ABCD3: variants seen among roughly 807,000 people sequenced by gnomAD.
The protein encoded by ABCD3 is ATP binding cassette subfamily D member 3, also known as ATP-binding cassette sub-family D member 3.
A neutral mutation model predicts 105.5 loss-of-function variants in ABCD3; 41 were observed. That is an observed-to-expected ratio of 0.39 (90% CI 0.30 to 0.50). The LOEUF is 0.50. ABCD3 is among the 20% of genes least tolerant of loss of function. ABCD3 has a pLI of 0.84. For synonymous variants in ABCD3, 258 were observed against 269.0 expected (o/e 0.96, Z 0.40); for missense variants, 622 against 806.3 (o/e 0.77, Z 2.77).
chr1:94,385,151 T>C, the ABCD3 span, among the ~76,000 whole-genome samples: 1 of 152,078 alleles, frequency 6.6e-6, no homozygotes, highest in Non-Finnish European at 1.5e-5. Context: ...TCTTGCTCTC[T>C]CTGAAACACC....
chr1:94,487,258 T>G (rs138444822), intron 10 of ABCD3, among the ~76,000 whole-genome samples: 271 of 152,344 alleles, frequency 1.8e-3, no homozygotes, highest in African/African-American at 6.2e-3. Context: ...ACAATAGCAT[T>G]GTGCTATTGC....
chr1:94,476,311 A>G (rs1185067007), intron 7 of ABCD3, among the ~76,000 whole-genome samples: 1 of 152,058 alleles, frequency 6.6e-6, no homozygotes, highest in East Asian at 1.9e-4. Context: ...TCCAGTTCTT[A>G]TCTTAGTCAT....
chr1:94,474,234 A>G (rs1052364134), intron 5 of ABCD3, among the ~76,000 whole-genome samples: 5 of 139,466 alleles, frequency 3.6e-5, no homozygotes, highest in South Asian at 2.7e-4. Flanking sequence ...GCAGGGGGCA[A>G]CTTGGGGAGT....
chr1:94,402,024 C>G, the ABCD3 span, among the ~76,000 whole-genome samples: 4 of 152,218 alleles, frequency 2.6e-5, no homozygotes, highest in South Asian at 4.1e-4. Flanking sequence ...TCTGCCTGTT[C>G]TCGCATTTGT....
At position 94,418,478 on chromosome 1, in the gene ABCD3, C is replaced by T; in HGVS notation, c.-1C>T. The T allele has an allele frequency of 2.5e-6, 4 of 1,598,096 alleles. No homozygotes were observed. The highest frequency in any genetic ancestry group is 3.4e-6 in the Non-Finnish European group (4 of 1,176,958). On this transcript the variant is annotated 5_prime_UTR_variant, in exon 1 of 23. Transcript: ENST00000370214. ...GCCGGCTCGCTGGTACCGGCAGTGC[C>T]ATGGCGGCCTTCAGCAAGTACTTGA...
intron 3 of ABCD3, among the ~76,000 whole-genome samples, chr1:94,465,293 T>A (rs1648084806): frequency 6.6e-6 from 1 of 152,170 alleles, no homozygotes; most frequent in African/African-American, 2.4e-5. Context: ...AATTAAATTA[T>A]TAAGTGTTCA....
intron 3 of ABCD3, among the ~76,000 whole-genome samples, chr1:94,466,524 C>T (rs1038575999): frequency 2.0e-5 from 3 of 152,154 alleles, no homozygotes; most frequent in East Asian, 1.9e-4. Flanking sequence ...CATTGTTTTA[C>T]GATCTGGCCC....
At chr1:94,428,693 G>A (rs1234757690) in intron 1 of ABCD3, among the ~76,000 whole-genome samples, 1 of 152,006 alleles carries the variant, frequency 6.6e-6, no homozygotes, top group Non-Finnish European at 1.5e-5. Context: ...GATGTGACTT[G>A]CTCCTCTTTG....
intron 7 of ABCD3, among the ~76,000 whole-genome samples, chr1:94,476,597 A>G (rs984483734): frequency 6.6e-6 from 1 of 152,128 alleles, no homozygotes; most frequent in Non-Finnish European, 1.5e-5. Context: ...ACAAAAGAAA[A>G]CCAAAACTAT....
chr1:94,407,370 A>T, the ABCD3 span, among the ~76,000 whole-genome samples: 8 of 152,014 alleles, frequency 5.3e-5, no homozygotes, highest in African/African-American at 1.9e-4. Context: ...GGCTGGTCTC[A>T]AACTCCTGAT....
In ABCD3 at chr1:94,473,832, T is replaced by C. The variant is rs1425994268; in HGVS notation, c.402T>C (p.Pro134=). The change falls in exon 5 of 23, where the codon CCT becomes CCC. Residue 134 remains proline (P), a synonymous_variant. Coordinates refer to ENST00000370214, the MANE Select transcript of ABCD3 (RefSeq NM_002858.4). ...RYLLNFIAAM[P]LISLVNNFLK... ...TACTCAACTTCATCGCTGCCATGCC[T>C]CTTGTAAGTTTAATTCATTAAAAAT... The C allele has an allele frequency of 3.1e-6, 5 of 1,611,556 alleles. No homozygotes were observed. In the South Asian group the frequency reaches 3.3e-5, roughly 11 times the overall value.
intron 9 of ABCD3, among the ~76,000 whole-genome samples, chr1:94,480,913 C>A (rs779448900): frequency 6.6e-6 from 1 of 152,118 alleles, no homozygotes; most frequent in South Asian, 2.1e-4. Flanking sequence ...ATACCTGTTC[C>A]AAGACAATTT....
rs1648062577 is a variant in ABCD3, at chr1:94,464,832, C to G, written c.205C>G (p.Gln69Glu). 1 of 1,613,760 alleles carries G rather than the reference C, an allele frequency of 6.2e-7. No individual in the cohort carries two copies. Among genetic ancestry groups the G allele is most frequent in the Non-Finnish European group, 8.5e-7 (1 of 1,179,934 alleles). Residue 69 changes from glutamine (Q) to glutamate (E), a missense_variant, in exon 3 of 23, where the codon CAG becomes GAG. Physicochemically the swap from Gln to Glu is conservative, Grantham distance 29. This residue lies in a region of ABCD3 where 245 missense variants were observed against 356.4 expected (regional missense o/e 0.69). Coordinates refer to ENST00000370214, the MANE Select transcript of ABCD3 (RefSeq NM_002858.4). ...VDKVFFSRLI[Q>E]ILKIMVPRTF... ...CAAGGTGTTTTTCTCAAGGCTCATA[C>G]AGATTCTGAAAATCATGGTCCCTAG...
At position 94,475,688 on chromosome 1, in the gene ABCD3, T is replaced by C. The variant is rs532835950; in HGVS notation, c.578T>C (p.Val193Ala). 29 of 1,610,636 alleles carry C rather than the reference T, an allele frequency of 1.8e-5. No homozygotes were observed. In the Middle Eastern group the frequency reaches 1.2e-3, roughly 65 times the overall value. The change falls in exon 7 of 23, where the codon GTA (valine) becomes GCA (alanine). Residue 193 changes from valine to alanine, a missense_variant. Val to Ala is a moderately conservative substitution (Grantham distance 64). Coordinates refer to ENST00000370214, the MANE Select transcript of ABCD3 (RefSeq NM_002858.4). ...CCAGACCAGCTGCTTACACAAGATG[T>C]AGAAAAATTTTGTAACAGTGTAGTC... is the stretch of plus-strand genomic sequence containing the variant. ...ANPDQLLTQD[V>A]EKFCNSVVDL...
chr1:94,482,406 C>T (rs1157913560), intron 9 of ABCD3: 5 of 152,146 alleles, frequency 3.3e-5, no homozygotes, highest in Admixed American at 3.3e-4. Flanking sequence ...ATATTTTTCT[C>T]TGCCATAAGA....
At chr1:94,475,545 G>A in intron 6 of ABCD3, 69 bp from the exon 7 acceptor site, 2 of 1,515,238 alleles carry the variant, frequency 1.3e-6, no homozygotes, top group South Asian at 2.3e-5. Flanking sequence ...GGTGTAATAT[G>A]ATTTTTTTGT....
chr1:94,511,793 A>C (rs1650685958), intron 21 of ABCD3, among the ~76,000 whole-genome samples: 1 of 151,982 alleles, frequency 6.6e-6, no homozygotes, highest in African/African-American at 2.4e-5. Context: ...TCGGCTCCTG[A>C]GGCTTCTGCA....
intron 1 of ABCD3, among the ~76,000 whole-genome samples, chr1:94,423,538 C>T (rs1414471105): frequency 6.6e-6 from 1 of 152,182 alleles, no homozygotes; most frequent in Non-Finnish European, 1.5e-5. Context: ...GTCTCTTGAG[C>T]CTGTCTCTTT....
chr1:94,506,400 A>G, intron 20 of ABCD3, 138 bp from the exon 21 acceptor site: 1 of 623,458 alleles, frequency 1.6e-6, no homozygotes, highest in East Asian at 3.0e-5. Flanking sequence ...ATTTCTGGGA[A>G]GTAGATTTTT....
Sources: gnomAD v4.1 joint callset for allele counts (sites outside exome capture counted in the v4.1 genomes callset) on GRCh38, gnomAD v4.1.1 for gene constraint, gnomAD v4.1.1 regional missense constraint, MANE v1.5 for transcripts, NCBI Gene and HGNC (gene_info 2026-07-23, HGNC 2026-07-21) for gene names.